Variants in NOL10 observed in about 807,000 individuals in gnomAD.
The protein encoded by NOL10 is nucleolar protein 10.
A neutral mutation model predicts 103.5 loss-of-function variants in NOL10; 58 were observed. That is an observed-to-expected ratio of 0.56 (90% CI 0.45 to 0.70). NOL10 has a LOEUF of 0.70. Among genes scored for constraint, NOL10 ranks in the 30% least tolerant of loss-of-function variants. NOL10 has a pLI of 0.00. For synonymous variants in NOL10, 287 were observed against 282.5 expected, an observed-to-expected ratio of 1.02 and a Z score of -0.16; for missense variants, 763 against 807.3, an observed-to-expected ratio of 0.95 and a Z score of 0.67.
intron 20 of NOL10, among the ~76,000 whole-genome samples, chr2:10,575,400 G>A (rs6710687): frequency 0.25 from 37,652 of 151,984 alleles, 6,495 homozygotes; most frequent in African/African-American, 0.45. Flanking sequence ...AATAAGTAAA[G>A]TTTACTGTAA....
At chr2:10,622,123 G>A (rs1170771765) in intron 13 of NOL10, 10 of 471,350 alleles carry the variant, frequency 2.1e-5, no homozygotes, top group Non-Finnish European at 4.4e-5. Context: ...CTTTGGTTTA[G>A]AGAACTGGAC....
intron 13 of NOL10, among the ~76,000 whole-genome samples, chr2:10,622,417 T>C (rs1048828519): frequency 4.0e-5 from 6 of 151,472 alleles, no homozygotes; most frequent in African/African-American, 1.5e-4. Flanking sequence ...ATAATGGTAA[T>C]GAAGGACTTT....
At chr2:10,607,366 T>C (rs1676315333) in intron 13 of NOL10, 55 bp from the exon 14 acceptor site, 1 of 1,520,778 alleles carries the variant, frequency 6.6e-7, no homozygotes, top group Non-Finnish European at 8.8e-7. Context: ...GCCATCCAAG[T>C]CTCAGTTATT....
At chr2:10,621,197 C>T (rs542409667) in intron 13 of NOL10, among the ~76,000 whole-genome samples, 2 of 151,976 alleles carry the variant, frequency 1.3e-5, no homozygotes, top group Non-Finnish European at 2.9e-5. Flanking sequence ...TTAAAAAAAA[C>T]CATACACATA....
chr2:10,598,193 C>T (rs576485130), intron 17 of NOL10, among the ~76,000 whole-genome samples: 5 of 152,272 alleles, frequency 3.3e-5, no homozygotes, highest in South Asian at 2.1e-4. Flanking sequence ...CAAATCCCTA[C>T]GTAAATAATG....
At chr2:10,683,906 C>A (rs993483195) in intron 2 of NOL10, among the ~76,000 whole-genome samples, 1 of 152,138 alleles carries the variant, frequency 6.6e-6, no homozygotes, top group African/African-American at 2.4e-5. Context: ...CGGTAACAGG[C>A]TAACTTATTA....
In NOL10 at chr2:10,587,070, T is replaced by TATATATAC. The variant is rs1304121392; in HGVS notation, c.1844+1965_1844+1972dup. On this transcript the variant is annotated intron_variant, in intron 19 of 20. Transcript: ENST00000381685. ...ATATATATATACATATATATATACATATATATACATATATATACATATATA... is the reference window on the plus strand; with the variant it reads ...ATATATATATACATATATATATACATATATATACATATATACATATATATACATATATA... 3.8e-4 allele frequency among the ~76,000 whole-genome samples: 21 copies of TATATATAC among 54,746 alleles called. 3 individuals carry two copies. Among genetic ancestry groups the TATATATAC allele is most frequent in the South Asian group, 1.5e-3 (4 of 2,708 alleles). 35.9% of individuals were successfully genotyped at this position (54,746 alleles called of 152,430 possible).
At chr2:10,602,282 T>C (rs938525325) in intron 16 of NOL10, among the ~76,000 whole-genome samples, 7 of 152,240 alleles carry the variant, frequency 4.6e-5, no homozygotes, top group African/African-American at 1.7e-4. Flanking sequence ...ACCTCTCTCC[T>C]CCATCCTTTA....
chr2:10,682,046 T>G lies in NOL10; in HGVS notation c.136A>C (p.Ile46Leu). ...DVDVRRRIELIQDFEMPTVCT... is the reference protein window; with the variant it reads ...DVDVRRRIELLQDFEMPTVCT... ...ACAGTAGGCATTTCAAAGTCCTGAA[T>G]AAGTTCAATTCTCCTACGGACATCT... The change falls in exon 3 of 21, where the codon ATT becomes CTT. Residue 46 changes from isoleucine (I) to leucine (L), a missense_variant. Ile to Leu is a conservative substitution (Grantham distance 5, BLOSUM62 2). Transcript: ENST00000381685. The G allele has an allele frequency of 2.0e-6, 3 of 1,518,054 alleles. No individual in the cohort carries two copies. The highest frequency in any genetic ancestry group is 2.7e-6 in the Non-Finnish European group (3 of 1,128,896). The allele number at this position is 1,518,054 out of a possible 1,614,324, so 94.0% of individuals were successfully genotyped here.
At chr2:10,588,363 T>G (rs764653799) in intron 19 of NOL10, among the ~76,000 whole-genome samples, 130 of 152,214 alleles carry the variant, frequency 8.5e-4, no homozygotes, top group Non-Finnish European at 1.5e-3. Flanking sequence ...CCTGAAACTC[T>G]GTACCCATGA....
intron 13 of NOL10, among the ~76,000 whole-genome samples, chr2:10,620,685 A>G (rs1483262132): frequency 6.6e-6 from 1 of 152,238 alleles, no homozygotes; most frequent in Non-Finnish European, 1.5e-5. Context: ...CCTCTGAGGT[A>G]ATAAACAGGA....
In NOL10 at chr2:10,595,600, TTTTG is replaced by T. The variant is rs869025802; in HGVS notation, c.1422+5249_1422+5252del. Among the ~76,000 whole-genome samples the T allele has an allele frequency of 1.2e-4, 16 of 137,434 alleles. 1 individual carries two copies. The South Asian group carries it at 1.6e-3, about 13-fold the overall frequency. The allele number at this position is 137,434 out of a possible 152,430, so 90.2% of individuals were successfully genotyped here. A position where few individuals can be genotyped will look rare whatever the true frequency, so the allele number is the denominator to read the frequency against. On this transcript the variant is annotated intron_variant, in intron 17 of 20. Transcript: ENST00000381685. ...GAAATGTTTTTTTGTTTTGTTTTGT[TTTTG>T]TTTGTTTGTTTGTTTTTTGAGATGG...
chr2:10,581,159 A>C (rs976892953), intron 19 of NOL10, among the ~76,000 whole-genome samples: 3 of 152,204 alleles, frequency 2.0e-5, no homozygotes, highest in Non-Finnish European at 4.4e-5. Flanking sequence ...ATCTATAGGC[A>C]TAACGAAGAT....
intron 20 of NOL10, among the ~76,000 whole-genome samples, chr2:10,573,339 AC>A (rs1674281703): frequency 6.6e-6 from 1 of 152,014 alleles, no homozygotes; most frequent in African/African-American, 2.4e-5. Context: ...GACTACAGGC[AC>A]CCGCCACCAC....
intron 20 of NOL10, among the ~76,000 whole-genome samples, chr2:10,577,128 C>G (rs1490134516): frequency 6.6e-6 from 1 of 152,058 alleles, no homozygotes; most frequent in African/African-American, 2.4e-5. Context: ...ATAGAATGAC[C>G]ACGGGCAGAG....
chr2:10,686,824 GACC>G (rs959841962), intron 1 of NOL10, among the ~76,000 whole-genome samples: 2 of 143,804 alleles, frequency 1.4e-5, no homozygotes, highest in African/African-American at 4.9e-5. Flanking sequence ...AGGGAGGGAA[GACC>G]ACTAGGTTGC....
intron 12 of NOL10, among the ~76,000 whole-genome samples, chr2:10,648,984 C>A (rs1377302066): frequency 1.3e-5 from 2 of 152,006 alleles, no homozygotes; most frequent in Non-Finnish European, 2.9e-5. Context: ...CCACACCTAA[C>A]TAAAAAAGGG....
chr2:10,578,886 C>CA (rs1415124083), intron 19 of NOL10, among the ~76,000 whole-genome samples: 1 of 152,160 alleles, frequency 6.6e-6, no homozygotes, highest in African/African-American at 2.4e-5. Context: ...GTTCCCTCCT[C>CA]AAAAATAGTA....
In NOL10 at chr2:10,570,969, G is replaced by GT. The variant is rs1292094164; in HGVS notation, c.*1101dup. 1 of 151,918 alleles carries GT rather than the reference G, an allele frequency of 6.6e-6. No homozygotes were observed. Among genetic ancestry groups the GT allele is most frequent in the Non-Finnish European group, 1.5e-5 (1 of 68,002 alleles). 9.4% of individuals were successfully genotyped at this position (151,918 alleles called of 1,614,324 possible). A position where few individuals can be genotyped will look rare whatever the true frequency, so the allele number is the denominator to read the frequency against. Reference sequence around the variant, plus strand: ...GGGACCAGAAGTCTTTTAGACTTTGGTTTTTTTGTGTGTTTTGGAATATCT... The same window carrying GT: ...GGGACCAGAAGTCTTTTAGACTTTGGTTTTTTTTGTGTGTTTTGGAATATCT... On this transcript the variant is annotated 3_prime_UTR_variant, in exon 21 of 21. Coordinates refer to ENST00000381685, the MANE Select transcript of NOL10 (RefSeq NM_024894.4).
Sources: gnomAD v4.1 joint callset for allele counts (sites outside exome capture counted in the v4.1 genomes callset) on GRCh38, gnomAD v4.1.1 for gene constraint, MANE v1.5 for transcripts, NCBI Gene and HGNC (gene_info 2026-07-23, HGNC 2026-07-21) for gene names.